DTNA: variants seen among roughly 807,000 people sequenced by gnomAD.
DTNA encodes the protein dystrobrevin alpha.
DTNA carries 43 observed loss-of-function variants against 100.7 expected under a neutral mutation model. That is an observed-to-expected ratio of 0.43 (90% CI 0.33 to 0.55). The LOEUF (loss-of-function observed/expected upper bound fraction) is 0.55, where lower values mean the gene tolerates loss of function less well. DTNA is among the 20% of genes least tolerant of loss of function. The pLI, the probability that DTNA is intolerant of heterozygous loss-of-function variation, is 0.04. For missense variants in DTNA, 798 were observed against 953.9 expected, an observed-to-expected ratio of 0.84 and a Z score of 2.15; for synonymous variants, 349 against 347.9, an observed-to-expected ratio of 1.00 and a Z score of -0.04.
chr18:34,805,734 G>A (rs2095343824), intron 4 of DTNA, among the ~76,000 whole-genome samples: 1 of 150,302 alleles, frequency 6.7e-6, no homozygotes, highest in South Asian at 2.1e-4. Context: ...AAAAATGTGT[G>A]ATGAAAAAGT....
At chr18:34,641,659 T>G (rs578218410) in intron 1 of DTNA, among the ~76,000 whole-genome samples, 1 of 152,212 alleles carries the variant, frequency 6.6e-6, no homozygotes, top group Non-Finnish European at 1.5e-5. Flanking sequence ...TCCCTCCTAT[T>G]GAATATCATT....
At chr18:34,741,206 T>C (rs2090589612) in intron 1 of DTNA, among the ~76,000 whole-genome samples, 1 of 152,172 alleles carries the variant, frequency 6.6e-6, no homozygotes, top group African/African-American at 2.4e-5. Flanking sequence ...TGGGGGATCA[T>C]AAAGTTCCCA....
intron 1 of DTNA, among the ~76,000 whole-genome samples, chr18:34,596,792 T>C (rs1278278936): frequency 6.6e-6 from 1 of 152,216 alleles, no homozygotes; most frequent in Non-Finnish European, 1.5e-5. Flanking sequence ...AAATTGCATA[T>C]GCATGCTGAT....
chr18:34,534,819 A>C (rs767173822), intron 1 of DTNA, among the ~76,000 whole-genome samples: 6 of 152,096 alleles, frequency 3.9e-5, no homozygotes, highest in Non-Finnish European at 5.9e-5. Flanking sequence ...AAAGGACATG[A>C]ACTTATTCTT....
At chr18:34,611,827 A>C (rs940546388) in intron 1 of DTNA, among the ~76,000 whole-genome samples, 86 of 152,302 alleles carry the variant, frequency 5.6e-4, no homozygotes, top group African/African-American at 1.8e-3. Context: ...CACTCATCTC[A>C]AGAGCAGTTT....
intron 1 of DTNA, among the ~76,000 whole-genome samples, chr18:34,644,722 C>T (rs1356522525): frequency 3.3e-5 from 5 of 152,072 alleles, no homozygotes; most frequent in Non-Finnish European, 7.4e-5. Context: ...TTCAACCAGT[C>T]TTTTTCCTTC....
At chr18:34,856,503 C>A (rs867637845) in intron 15 of DTNA, among the ~76,000 whole-genome samples, 3 of 152,168 alleles carry the variant, frequency 2.0e-5, no homozygotes, top group Non-Finnish European at 4.4e-5. Context: ...TACCAGGAAT[C>A]TTCAAATTAT....
rs16965641 is a variant in DTNA, at chr18:34,609,612, T to C, written c.-2+116098T>C. ...TAATGATCCAGTTTTGGGTGCCTGA[T>C]ATAGCTACTGTCTTCAAAATTTGTT... On this transcript the variant is annotated intron_variant, in intron 1 of 19. Transcript: ENST00000283365. Among the ~76,000 whole-genome samples the C allele has an allele frequency of 7.6e-3, 1,151 of 152,324 alleles. 20 individuals carry two copies. The highest frequency in any genetic ancestry group is 0.026 in the African/African-American group (1,088 of 41,574).
At chr18:34,621,933 T>C (rs2056579160) in intron 1 of DTNA, among the ~76,000 whole-genome samples, 1 of 152,180 alleles carries the variant, frequency 6.6e-6, no homozygotes, top group Non-Finnish European at 1.5e-5. Flanking sequence ...ATACGATTTA[T>C]ATTTGTCAAA....
intron 3 of DTNA, among the ~76,000 whole-genome samples, chr18:34,793,366 G>A (rs1177949055): frequency 6.6e-6 from 1 of 152,150 alleles, no homozygotes; most frequent in African/African-American, 2.4e-5. Flanking sequence ...TAAATCAGCT[G>A]GTAATAATGT....
intron 1 of DTNA, among the ~76,000 whole-genome samples, chr18:34,668,004 C>T (rs1357440046): frequency 1.3e-5 from 2 of 152,144 alleles, no homozygotes. Flanking sequence ...GGAATGGTAC[C>T]AGCTCCTCCT....
In DTNA at chr18:34,545,556, T is replaced by C. The variant is rs143421076; in HGVS notation, c.-2+52042T>C. On this transcript the variant is annotated intron_variant, in intron 1 of 19. Transcript: ENST00000283365. Reference sequence around the variant, plus strand: ...ATAACTTAAAAAATAGATCTAGCAATTTATTTTCATGGTAGCATGTAAAAC... The same window carrying C: ...ATAACTTAAAAAATAGATCTAGCAACTTATTTTCATGGTAGCATGTAAAAC... Among the ~76,000 whole-genome samples the C allele has an allele frequency of 2.2e-3, 338 of 152,224 alleles. 2 individuals are homozygous for C. The highest frequency in any genetic ancestry group is 7.8e-3 in the African/African-American group (323 of 41,560).
In DTNA at chr18:34,800,636, G is replaced by A. The variant is rs571840211; in HGVS notation, c.363-5583G>A. ...CCAAATGTTTTTGTGAAATATGTTG[G>A]TAAAAGAAGAGCTTCTGATTTTAGT... On this transcript the variant is annotated intron_variant, in intron 4 of 22. Coordinates refer to ENST00000444659, the MANE Select transcript of DTNA (RefSeq NM_001386795.1). Among the ~76,000 whole-genome samples, 6 of 152,274 alleles carry A rather than the reference G, an allele frequency of 3.9e-5. No individual in the cohort carries two copies. In the South Asian group the frequency reaches 1.0e-3, roughly 26 times the overall value.
chr18:34,572,057 G>A (rs1226424420), intron 1 of DTNA, among the ~76,000 whole-genome samples: 1 of 152,134 alleles, frequency 6.6e-6, no homozygotes, highest in Non-Finnish European at 1.5e-5. Flanking sequence ...TTATCTTAAT[G>A]CATAATATAT....
At chr18:34,506,142 C>A (rs2040467990) in intron 1 of DTNA, among the ~76,000 whole-genome samples, 1 of 152,184 alleles carries the variant, frequency 6.6e-6, no homozygotes, top group Admixed American at 6.5e-5. Context: ...TTATGTTCCC[C>A]ATGTGGTCTC....
At chr18:34,546,899 C>T (rs1378692407) in intron 1 of DTNA, among the ~76,000 whole-genome samples, 2 of 151,720 alleles carry the variant, frequency 1.3e-5, no homozygotes, top group Non-Finnish European at 1.5e-5. Flanking sequence ...TTATTAGAGA[C>T]GGGGTTTTGC....
intron 1 of DTNA, among the ~76,000 whole-genome samples, chr18:34,522,023 A>C (rs1439393469): frequency 1.3e-5 from 2 of 152,168 alleles, no homozygotes; most frequent in Non-Finnish European, 2.9e-5. Flanking sequence ...TGAATTAGTA[A>C]CTATAGCAGT....
rs1203501335 is a variant in DTNA at position 34,879,469 on chromosome 18, A to G, written c.1994-82A>G. ...TTAACATTTTACACAGCACAGGTTGATTTGTGAAGCCTACTCCTTTATTTG... is the reference window on the plus strand; with the variant it reads ...TTAACATTTTACACAGCACAGGTTGGTTTGTGAAGCCTACTCCTTTATTTG... On this transcript the variant is annotated intron_variant, in intron 19 of 22. Transcript: ENST00000444659. The G allele has an allele frequency of 7.8e-6, 11 of 1,409,762 alleles. No homozygotes were observed. The East Asian group carries it at 2.5e-4, about 32-fold the overall frequency. The allele number at this position is 1,409,762 out of a possible 1,614,324, so 87.3% of individuals were successfully genotyped here.
chr18:34,748,440 G>A (rs754620545), intron 1 of DTNA, among the ~76,000 whole-genome samples: 5 of 152,100 alleles, frequency 3.3e-5, no homozygotes, highest in Non-Finnish European at 5.9e-5. Context: ...ATGGTTTCAG[G>A]TCTTAGAGAT....
Sources: gnomAD v4.1 joint callset for allele counts (sites outside exome capture counted in the v4.1 genomes callset) on GRCh38, gnomAD v4.1.1 for gene constraint, MANE v1.5 for transcripts, NCBI Gene and HGNC (gene_info 2026-07-23, HGNC 2026-07-21) for gene names.